TTC28: variants seen among roughly 807,000 people sequenced by gnomAD.
The protein encoded by TTC28 is tetratricopeptide repeat domain 28, also known as tetratricopeptide repeat protein 28.
In TTC28, 61 loss-of-function variants were observed where a neutral mutation model predicts 198.0. The observed-to-expected ratio is 0.31, with a 90% confidence interval of 0.25 to 0.38. TTC28 has a LOEUF of 0.38. TTC28 is among the 10% of genes least tolerant of loss of function. The probability of loss-of-function intolerance (pLI) is 1.00; values close to 1 mark genes in which losing one functional copy is unlikely to be tolerated. For synonymous variants in TTC28, 1,171 were observed against 1,297.8 expected, an observed-to-expected ratio of 0.90 and a Z score of 2.10; for missense variants, 2,678 against 3,164.0, an observed-to-expected ratio of 0.85 and a Z score of 3.69.
At chr22:28,415,388 C>T (rs937053571) in intron 2 of TTC28, among the ~76,000 whole-genome samples, 3 of 151,768 alleles carry the variant, frequency 2.0e-5, no homozygotes, top group Non-Finnish European at 4.4e-5. Context: ...AGAGAAAAAT[C>T]ATGTTGTTAA....
intron 2 of TTC28, among the ~76,000 whole-genome samples, chr22:28,557,983 G>C (rs1276676932): frequency 6.6e-6 from 1 of 152,022 alleles, no homozygotes; most frequent in Admixed American, 6.6e-5. Flanking sequence ...ATTTTTTACT[G>C]TTCCAGTCTT....
Position 28,679,828 on chromosome 22 carries a change from G to A in TTC28, c.-105C>T, listed in dbSNP as rs1191978198. 1.8e-5 allele frequency: 8 copies of A among 436,810 alleles called. No individual in the cohort carries two copies. The highest frequency in any genetic ancestry group is 2.5e-5 in the Non-Finnish European group (8 of 314,056). 27.1% of individuals were successfully genotyped at this position (436,810 alleles called of 1,614,324 possible). A position where few individuals can be genotyped will look rare whatever the true frequency, so the allele number is the denominator to read the frequency against. On this transcript the variant is annotated 5_prime_UTR_variant, in exon 1 of 23. Transcript: ENST00000397906. The stretch of plus-strand genomic sequence containing the variant: ...TTCCCGCCGTGCTGCGCGCCGCCGC[G>A]GCGCCCCTCACTGCCCCCAAACCGC...
rs563678618 is a variant in TTC28 at position 28,014,194 on chromosome 22, G to A, written c.4218+54C>T. ...AGAGGGATACATGTGGGCGCTGACT[G>A]GTAAGCGATGTGTTCTGATGCGGAG... is the stretch of plus-strand genomic sequence containing the variant. On this transcript the variant is annotated intron_variant, in intron 14 of 22. Transcript: ENST00000397906. The A allele has an allele frequency of 4.0e-6, 6 of 1,507,942 alleles. No individual in the cohort carries two copies. The South Asian group carries it at 6.5e-5, about 16-fold the overall frequency. 93.4% of individuals were successfully genotyped at this position (1,507,942 alleles called of 1,614,324 possible). A position where few individuals can be genotyped will look rare whatever the true frequency, so the allele number is the denominator to read the frequency against.
At chr22:28,125,603 G>C (rs555533007) in intron 6 of TTC28, among the ~76,000 whole-genome samples, 2 of 152,194 alleles carry the variant, frequency 1.3e-5, no homozygotes, top group Non-Finnish European at 2.9e-5. Context: ...AAACAGTACA[G>C]ATCAATACTG....
chr22:28,448,434 T>C (rs2047732696), intron 2 of TTC28, among the ~76,000 whole-genome samples: 1 of 152,166 alleles, frequency 6.6e-6, no homozygotes, highest in South Asian at 2.1e-4. Context: ...TTTATATTTA[T>C]TGTGTTTTAG....
chr22:28,599,843 G>C (rs539774248), intron 2 of TTC28, among the ~76,000 whole-genome samples: 4 of 152,206 alleles, frequency 2.6e-5, no homozygotes, highest in South Asian at 2.1e-4. Context: ...AACAAACTCC[G>C]GTTGTTATTG....
chr22:28,454,821 A>G (rs1416224365), intron 2 of TTC28, among the ~76,000 whole-genome samples: 2 of 152,254 alleles, frequency 1.3e-5, no homozygotes, highest in Non-Finnish European at 2.9e-5. Flanking sequence ...GAAAATGAAA[A>G]AAGAGAAGAC....
intron 2 of TTC28, among the ~76,000 whole-genome samples, chr22:28,362,298 T>A (rs544082216): frequency 1.8e-4 from 28 of 152,202 alleles, no homozygotes; most frequent in African/African-American, 6.7e-4. Flanking sequence ...CCTGCACAAG[T>A]TCTCTCTCTT....
chr22:28,031,668 G>A (rs1939081411), intron 12 of TTC28, among the ~76,000 whole-genome samples: 1 of 152,200 alleles, frequency 6.6e-6, no homozygotes, highest in Admixed American at 6.5e-5. Context: ...GGCAGGTAAA[G>A]CTGCTATGCA....
Position 27,982,494 on chromosome 22 carries a change from G to A in TTC28, c.7173C>T (p.Val2391=). 1 of 1,551,658 alleles carries A rather than the reference G, an allele frequency of 6.4e-7. No individual in the cohort carries two copies. The highest frequency in any genetic ancestry group is 8.7e-7 in the Non-Finnish European group (1 of 1,147,004). The stretch of plus-strand genomic sequence containing the variant: ...GTGGTGACAAATTCAACAGACTGAG[G>A]ACATCCCTTTTGGAAGTCATCGTGC... ...APGTMTSKRD[V]LSLLNLSPRH... Residue 2391 remains valine (V), a synonymous_variant, in exon 23 of 23, where the codon GTC becomes GTT. Coordinates refer to ENST00000397906, the MANE Select transcript of TTC28 (RefSeq NM_001145418.2). The surrounding 1 kb of genome is among the most constrained non-coding windows in gnomAD (Gnocchi z 5.2).
chr22:28,622,217 G>T (rs2051011537), intron 2 of TTC28, among the ~76,000 whole-genome samples: 1 of 152,128 alleles, frequency 6.6e-6, no homozygotes, highest in Admixed American at 6.5e-5. Context: ...AACACTGAAG[G>T]TCAGAAAACC....
At chr22:28,413,145 A>G (rs1441739899) in intron 2 of TTC28, among the ~76,000 whole-genome samples, 2 of 152,154 alleles carry the variant, frequency 1.3e-5, no homozygotes, top group Non-Finnish European at 2.9e-5. Context: ...GAAACTTTCT[A>G]GTCGTCTCAG....
At position 28,593,095 on chromosome 22, in the gene TTC28, A is replaced by G. The variant is rs552910578; in HGVS notation, c.381+36457T>C. On this transcript the variant is annotated intron_variant, in intron 2 of 22. Transcript: ENST00000397906. ...TTAATTTCATAGTAGCTTTTGGGTA[A>G]GTCCTTGAGAATCACCTAAATATAG... Among the ~76,000 whole-genome samples, 4 of 150,240 alleles carry G rather than the reference A, an allele frequency of 2.7e-5. No individual in the cohort carries two copies. The East Asian group carries it at 7.7e-4, about 29-fold the overall frequency.
At chr22:28,353,970 CATA>C (rs1301098686) in intron 2 of TTC28, among the ~76,000 whole-genome samples, 1 of 151,986 alleles carries the variant, frequency 6.6e-6, no homozygotes, top group Non-Finnish European at 1.5e-5. Flanking sequence ...AAGTCAAAAC[CATA>C]ATAAGATATA....
rs2045344960 is a variant in TTC28 at position 28,315,957 on chromosome 22, C to T, written c.382-9314G>A. Among the ~76,000 whole-genome samples, 18 of 152,278 alleles carry T rather than the reference C, an allele frequency of 1.2e-4. 3 individuals are homozygous for T. The South Asian group carries it at 3.7e-3, about 32-fold the overall frequency. ...ATCCAGAAGAGGGGTGCTGTTTTTA[C>T]AGTTAAATGCAAAGACTTTTATAAG... On this transcript the variant is annotated intron_variant, in intron 2 of 22. Transcript: ENST00000397906.
intron 12 of TTC28, among the ~76,000 whole-genome samples, chr22:28,081,387 A>G (rs1019573561): frequency 6.6e-6 from 1 of 151,950 alleles, no homozygotes; most frequent in Non-Finnish European, 1.5e-5. Flanking sequence ...TGATACCTCC[A>G]GCTTTTTTTG....
intron 5 of TTC28, among the ~76,000 whole-genome samples, chr22:28,169,602 T>C (rs943986866): frequency 2.6e-5 from 4 of 152,040 alleles, no homozygotes; most frequent in African/African-American, 9.7e-5. Context: ...TTCTCACTCA[T>C]AGGTGGGAAC....
intron 6 of TTC28, among the ~76,000 whole-genome samples, chr22:28,148,730 A>G (rs1039644944): frequency 6.6e-6 from 1 of 152,204 alleles, no homozygotes; most frequent in African/African-American, 2.4e-5. Context: ...GTTTACACCA[A>G]TGAGAATGTC....
At chr22:28,580,243 TTATAA>T (rs1224204253) in intron 2 of TTC28, among the ~76,000 whole-genome samples, 5 of 152,192 alleles carry the variant, frequency 3.3e-5, no homozygotes, top group African/African-American at 1.2e-4. Flanking sequence ...GGGTTGTGTC[TTATAA>T]TATGATTCTT....
Sources: gnomAD v4.1 joint callset for allele counts (sites outside exome capture counted in the v4.1 genomes callset) on GRCh38, gnomAD v4.1.1 for gene constraint, Gnocchi (gnomAD v3.1) non-coding constraint, MANE v1.5 for transcripts, NCBI Gene and HGNC (gene_info 2026-07-23, HGNC 2026-07-21) for gene names.